The following TYW2 variants were observed in gnomAD, a reference collection of about 807,000 sequenced individuals.
The protein encoded by TYW2 is tRNA wybutosine-synthesizing protein 2.
the TYW2 span, chr8:124,451,907 A>G: frequency 6.2e-7 from 1 of 1,614,222 alleles, no homozygotes. Context: ...GTGTTAAGGC[A>G]GGATGCTGGA....
the TYW2 span, chr8:124,451,265 G>C: frequency 6.2e-7 from 1 of 1,614,186 alleles, no homozygotes; most frequent in Admixed American, 1.7e-5. Context: ...GAGGTGAGTC[G>C]CTGGGTGGAG....
the TYW2 span, chr8:124,451,367 G>C: frequency 6.2e-7 from 1 of 1,614,160 alleles, no homozygotes; most frequent in Non-Finnish European, 8.5e-7. Context: ...AGTGAAGACT[G>C]TTTCCAAGCC....
At chr8:124,452,132 G>A in the TYW2 span, 2 of 1,614,220 alleles carry the variant, frequency 1.2e-6, no homozygotes, top group East Asian at 2.2e-5. Context: ...GCAGAAACTC[G>A]AATCGCCACT....
chr8:124,451,195 C>G, the TYW2 span: 6 of 1,614,130 alleles, frequency 3.7e-6, no homozygotes, highest in South Asian at 1.1e-5. Context: ...CACGCAGCTC[C>G]CGGATCCTGT....
chr8:124,451,492 G>A, the TYW2 span: 1 of 1,614,094 alleles, frequency 6.2e-7, no homozygotes, highest in African/African-American at 1.3e-5. Context: ...AACTCCAGCA[G>A]TGACACTGCT....
At chr8:124,450,915 T>G in the TYW2 span, 1 of 1,604,410 alleles carries the variant, frequency 6.2e-7, no homozygotes, top group East Asian at 2.2e-5. Context: ...GGAGATGGAG[T>G]ATCGCTGAGG....
At chr8:124,451,282 G>A in the TYW2 span, 21 of 1,614,052 alleles carry the variant, frequency 1.3e-5, no homozygotes, top group Non-Finnish European at 1.7e-6. Flanking sequence ...GGAGGGTCGG[G>A]GAGTCAAGTG....
At chr8:124,451,342 A>G in the TYW2 span, 1 of 1,614,134 alleles carries the variant, frequency 6.2e-7, no homozygotes, top group Non-Finnish European at 8.5e-7. Flanking sequence ...ACGGCATGGT[A>G]ATCTCTTGTT....
chr8:124,451,102 C>T, the TYW2 span: 3 of 1,614,138 alleles, frequency 1.9e-6, no homozygotes, highest in South Asian at 2.2e-5. Context: ...CTCGGTGGCG[C>T]TACCGGTGCT....
the TYW2 span, chr8:124,452,081 C>A: frequency 6.2e-7 from 1 of 1,614,208 alleles, no homozygotes; most frequent in Non-Finnish European, 8.5e-7. Context: ...AAAATGCTGT[C>A]ACCAGCCACC....
the TYW2 span, chr8:124,451,484 C>CTCCA: frequency 6.2e-7 from 1 of 1,614,158 alleles, no homozygotes; most frequent in South Asian, 1.1e-5. Flanking sequence ...GGTACTCGAA[C>CTCCA]TCCAGCAGTG....
chr8:124,451,226 G>T, the TYW2 span: 1 of 1,614,156 alleles, frequency 6.2e-7, no homozygotes. Context: ...AGGGCCCAGG[G>T]TTGTTCACCT....
the TYW2 span, chr8:124,451,434 C>A: frequency 6.2e-6 from 10 of 1,614,020 alleles, no homozygotes; most frequent in East Asian, 4.5e-5. Flanking sequence ...TGGCACTTGG[C>A]GTCCAGCGTT....
the TYW2 span, chr8:124,451,656 A>G: frequency 6.2e-6 from 10 of 1,614,154 alleles, no homozygotes; most frequent in Non-Finnish European, 7.6e-6. Flanking sequence ...ATCTCTATGC[A>G]GGGATTGGTT....
chr8:124,452,392 G>T, the TYW2 span: 1 of 995,448 alleles, frequency 1.0e-6, no homozygotes, highest in East Asian at 2.6e-5. Context: ...ATATTTTATA[G>T]CCCTGAAAGC....
the TYW2 span, chr8:124,450,829 A>G: frequency 2.1e-6 from 3 of 1,417,430 alleles, no homozygotes; most frequent in Middle Eastern, 2.0e-4. Flanking sequence ...CATTTCCGGC[A>G]CCGGCATGGC....
the TYW2 span, chr8:124,450,876 A>G: frequency 6.4e-7 from 1 of 1,554,678 alleles, no homozygotes; most frequent in Non-Finnish European, 8.7e-7. Context: ...AAGACCGGGA[A>G]TTTAGTCAGC....
At chr8:124,451,563 G>T in the TYW2 span, 1 of 1,614,194 alleles carries the variant, frequency 6.2e-7, no homozygotes, top group South Asian at 1.1e-5. Context: ...AGTTTGACGT[G>T]ACCCAGTGTA....
At chr8:124,452,362 C>A in the TYW2 span, 1 of 1,366,530 alleles carries the variant, frequency 7.3e-7, no homozygotes, top group Non-Finnish European at 1.0e-6. Flanking sequence ...CCTTTTGTCC[C>A]CTGGTGATCA....
Sources: gnomAD v4.1 joint callset for allele counts on GRCh38, gnomAD v4.1.1 for gene constraint, MANE v1.5 for transcripts, NCBI Gene and HGNC (gene_info 2026-07-23, HGNC 2026-07-21) for gene names.